Variants in TLN2 observed in about 807,000 individuals in gnomAD.
The protein encoded by TLN2 is talin-2.
In TLN2, 118 loss-of-function variants were observed where a neutral mutation model predicts 294.7. The observed-to-expected ratio is 0.40, with a 90% confidence interval of 0.34 to 0.47. TLN2 has a LOEUF of 0.47. Ranked by LOEUF, TLN2 falls within the 20% of genes least tolerant of loss-of-function variation. TLN2 has a pLI of 0.84. For missense variants in TLN2, 3,083 were observed against 3,282.2 expected, an observed-to-expected ratio of 0.94 and a Z score of 1.48; for synonymous variants, 1,431 against 1,304.5, an observed-to-expected ratio of 1.10 and a Z score of -2.09.
chr15:62,712,032 A>C lies in TLN2; in HGVS notation c.2589A>C (p.Ala863=), dbSNP rs760332207. 25 of 1,614,258 alleles carry C rather than the reference A, an allele frequency of 1.5e-5. No homozygotes were observed. The South Asian group carries it at 2.6e-4, about 17-fold the overall frequency. ...MENSKKLLAA[A]KLLADSTARM... Reference sequence around the variant, plus strand: ...ATTCAAAGAAGCTCCTGGCAGCAGCAAAACTCTTAGCTGACTCCACTGCTC... The same window carrying C: ...ATTCAAAGAAGCTCCTGGCAGCAGCCAAACTCTTAGCTGACTCCACTGCTC... Residue 863 remains alanine (A), a synonymous_variant, in exon 22 of 59, where the codon GCA becomes GCC. Coordinates refer to ENST00000636159, the MANE Select transcript of TLN2 (RefSeq NM_015059.3).
Position 62,736,921 on chromosome 15 carries a change from C to T in TLN2, c.3402C>T (p.Ala1134=). ...CGGCCCAAGCTCTGAAAACACTGGCCCAGGCCGCCCGTGGAGTGGCTGCAT... is the reference window on the plus strand; with the variant it reads ...CGGCCCAAGCTCTGAAAACACTGGCTCAGGCCGCCCGTGGAGTGGCTGCAT... ...RETAQALKTL[A]QAARGVAAST... Residue 1134 remains alanine (A), a synonymous_variant, in exon 29 of 59, where the codon GCC becomes GCT. Transcript: ENST00000636159. 1 of 1,614,196 alleles carries T rather than the reference C, an allele frequency of 6.2e-7. No individual in the cohort carries two copies. The highest frequency in any genetic ancestry group is 8.5e-7 in the Non-Finnish European group (1 of 1,180,042).
intron 43 of TLN2, among the ~76,000 whole-genome samples, chr15:62,778,051 G>A (rs1156905331): frequency 6.6e-6 from 1 of 152,160 alleles, no homozygotes; most frequent in South Asian, 2.1e-4. Flanking sequence ...AGGATAATAA[G>A]CAGTCTTTAA....
At chr15:62,552,888 A>G (rs1266766819) in intron 1 of TLN2, among the ~76,000 whole-genome samples, 1 of 152,250 alleles carries the variant, frequency 6.6e-6, no homozygotes, top group Non-Finnish European at 1.5e-5. Flanking sequence ...CTAATTCAGT[A>G]TTCACAGAGA....
At chr15:62,794,093 G>T (rs1163902079) in intron 46 of TLN2, among the ~76,000 whole-genome samples, 2 of 152,136 alleles carry the variant, frequency 1.3e-5, no homozygotes, top group Non-Finnish European at 2.9e-5. Context: ...AGGCCTTATA[G>T]CGGGAGCACC....
intron 3 of TLN2, chr15:62,640,171 C>G (rs1458520560): frequency 4.4e-6 from 2 of 455,748 alleles, no homozygotes; most frequent in African/African-American, 4.0e-5. Context: ...TGCAGAGGAG[C>G]TACTTCTCTT....
intron 37 of TLN2, among the ~76,000 whole-genome samples, chr15:62,759,846 C>T (rs137958512): frequency 6.6e-6 from 1 of 152,304 alleles, no homozygotes; most frequent in Non-Finnish European, 1.5e-5. Context: ...TGTGTTTGGG[C>T]CCATCTGTGT....
At chr15:62,679,080 A>C (rs1478867380) in intron 11 of TLN2, among the ~76,000 whole-genome samples, 3 of 151,240 alleles carry the variant, frequency 2.0e-5, no homozygotes, top group Admixed American at 2.0e-4. Flanking sequence ...CAGATTCACA[A>C]GAAGCTGTAA....
chr15:62,437,146 C>T (rs1483033233), intron 1 of TLN2, among the ~76,000 whole-genome samples: 1 of 152,202 alleles, frequency 6.6e-6, no homozygotes, highest in African/African-American at 2.4e-5. Flanking sequence ...AGTTTTGTTT[C>T]ATCTCTCATT....
At chr15:62,458,587 A>G (rs404187) in intron 1 of TLN2, among the ~76,000 whole-genome samples, 138,377 of 146,220 alleles carry the variant, frequency 0.95, 65,926 homozygotes, top group East Asian at 1. Context: ...GGAACATGGC[A>G]AAACCTCGTC....
chr15:62,705,301 T>C (rs1316523531), intron 19 of TLN2, among the ~76,000 whole-genome samples: 4 of 152,216 alleles, frequency 2.6e-5, no homozygotes, highest in African/African-American at 4.8e-5. Flanking sequence ...GTAACTGACA[T>C]TGGATTTCTT....
chr15:62,567,929 A>T (rs1440664961), intron 1 of TLN2, among the ~76,000 whole-genome samples: 1 of 152,068 alleles, frequency 6.6e-6, no homozygotes, highest in African/African-American at 2.4e-5. Flanking sequence ...GCTAAAGATG[A>T]TGCCTTTTGG....
In TLN2 at chr15:62,770,433, G is replaced by C. The variant is rs1415866402; in HGVS notation, c.5197-531G>C. Among the ~76,000 whole-genome samples the C allele has an allele frequency of 2.0e-5, 3 of 152,230 alleles. No individual in the cohort carries two copies. In the East Asian group the frequency reaches 5.8e-4, roughly 29 times the overall value. On this transcript the variant is annotated intron_variant, in intron 41 of 58. Transcript: ENST00000636159. Reference sequence around the variant, plus strand: ...CTTTTTTTGTTCTCCCAAGTTGGGCGAATCATAAACAGAGCATCTAGGCTG... The same window carrying C: ...CTTTTTTTGTTCTCCCAAGTTGGGCCAATCATAAACAGAGCATCTAGGCTG...
At chr15:62,640,424 C>G in intron 3 of TLN2, 2 of 449,888 alleles carry the variant, frequency 4.4e-6, no homozygotes, top group Non-Finnish European at 8.9e-6. Context: ...CTCCACGGCC[C>G]CATTGAGGTA....
chr15:62,689,547 A>C (rs2057596945), intron 12 of TLN2, among the ~76,000 whole-genome samples: 1 of 151,962 alleles, frequency 6.6e-6, no homozygotes. Context: ...TCCTTTAGCT[A>C]TTTGTTAAGG....
chr15:62,415,993 G>A (rs1202253472), intron 1 of TLN2, among the ~76,000 whole-genome samples: 1 of 152,142 alleles, frequency 6.6e-6, no homozygotes, highest in Non-Finnish European at 1.5e-5. Context: ...GAATGTTGGG[G>A]AAATATAAAT....
intron 19 of TLN2, among the ~76,000 whole-genome samples, chr15:62,703,918 G>A (rs924410896): frequency 6.6e-6 from 1 of 152,152 alleles, no homozygotes; most frequent in African/African-American, 2.4e-5. Context: ...TTCTGGGGTG[G>A]TTCAGGCCAG....
At chr15:62,614,580 T>C (rs548536246) in intron 2 of TLN2, among the ~76,000 whole-genome samples, 8 of 152,352 alleles carry the variant, frequency 5.3e-5, no homozygotes, top group African/African-American at 1.9e-4. Context: ...ACTTCTTCGT[T>C]GTAAAAGGAC....
chr15:62,591,204 A>G (rs571799200), intron 2 of TLN2, among the ~76,000 whole-genome samples: 17 of 152,318 alleles, frequency 1.1e-4, no homozygotes, highest in African/African-American at 3.6e-4. Context: ...TTTAGATTGT[A>G]TGTATTTAGC....
chr15:62,589,086 G>T (rs547370320), intron 1 of TLN2, among the ~76,000 whole-genome samples: 1 of 151,882 alleles, frequency 6.6e-6, no homozygotes, highest in East Asian at 1.9e-4. Context: ...CGTAGATAAC[G>T]TGTGTGTGTT....
Sources: gnomAD v4.1 joint callset for allele counts (sites outside exome capture counted in the v4.1 genomes callset) on GRCh38, gnomAD v4.1.1 for gene constraint, MANE v1.5 for transcripts, NCBI Gene and HGNC (gene_info 2026-07-23, HGNC 2026-07-21) for gene names.